Variants in AFG3L2 observed in about 807,000 individuals in gnomAD.
AFG3L2 encodes the protein mitochondrial inner membrane m-AAA protease component AFG3L2.
A neutral mutation model predicts 94.5 loss-of-function variants in AFG3L2; 54 were observed. That is an observed-to-expected ratio of 0.57 (90% CI 0.46 to 0.72). The LOEUF is 0.72. AFG3L2 is among the 30% of genes least tolerant of loss of function. AFG3L2 has a pLI of 0.00. For synonymous variants in AFG3L2, 377 were observed against 365.5 expected (o/e 1.03, Z -0.36); for missense variants, 754 against 994.9 (o/e 0.76, Z 3.26).
chr18:12,352,929 G>A, intron 10 of AFG3L2, 76 bp downstream of exon 10: 1 of 1,590,478 alleles, frequency 6.3e-7, no homozygotes, highest in Non-Finnish European at 8.6e-7. Flanking sequence ...ACTTCAGCCT[G>A]GACGACAGAG....
chr18:12,373,693 G>A (rs113360389), intron 1 of AFG3L2, among the ~76,000 whole-genome samples: 17 of 152,184 alleles, frequency 1.1e-4, no homozygotes, highest in Non-Finnish European at 2.5e-4. Flanking sequence ...CACATGCTAG[G>A]TCAAATTATG....
chr18:12,341,287 T>C lies in AFG3L2; in HGVS notation c.1780-886A>G, dbSNP rs569846115. 4 of 152,326 alleles carry C rather than the reference T, an allele frequency of 2.6e-5. No homozygotes were observed. In the South Asian group the frequency reaches 8.3e-4, roughly 32 times the overall value. 9.4% of individuals were successfully genotyped at this position (152,326 alleles called of 1,614,324 possible). On this transcript the variant is annotated intron_variant, in intron 14 of 16. Transcript: ENST00000269143. ...TTAATTTTTAAAAAATTCAGTTTAT[T>C]GAGAGATGACATATATGGTAAAATG...
chr18:12,344,498 A>C (rs757709407), intron 13 of AFG3L2, among the ~76,000 whole-genome samples: 5 of 151,884 alleles, frequency 3.3e-5, no homozygotes, highest in Non-Finnish European at 7.4e-5. Flanking sequence ...AACATGGTGA[A>C]ACCCCGTCTC....
intron 16 of AFG3L2, among the ~76,000 whole-genome samples, chr18:12,331,362 T>A (rs1907518487): frequency 6.6e-6 from 1 of 152,196 alleles, no homozygotes; most frequent in South Asian, 2.1e-4. Flanking sequence ...GCTTCTAGGC[T>A]CAGCCTACAA....
At chr18:12,336,578 A>T (rs1332326295) in intron 16 of AFG3L2, among the ~76,000 whole-genome samples, 1 of 152,230 alleles carries the variant, frequency 6.6e-6, no homozygotes, top group African/African-American at 2.4e-5. Flanking sequence ...GCATGAATTA[A>T]GCTCTTTCTC....
chr18:12,348,113 C>T (rs1275086382), intron 13 of AFG3L2, among the ~76,000 whole-genome samples, 160 bp downstream of exon 13: 1 of 152,078 alleles, frequency 6.6e-6, no homozygotes, highest in Non-Finnish European at 1.5e-5. Context: ...GGAGGAGAGG[C>T]ATGGGAGGGG....
intron 10 of AFG3L2, among the ~76,000 whole-genome samples, chr18:12,351,675 T>A (rs1020081973): frequency 1.3e-5 from 2 of 151,924 alleles, no homozygotes; most frequent in Non-Finnish European, 2.9e-5. Context: ...GCCTCCCGAG[T>A]AGCTGGGATT....
chr18:12,337,605 C>T, intron 15 of AFG3L2, 70 bp from the exon 16 acceptor site: 1 of 1,480,388 alleles, frequency 6.8e-7, no homozygotes, highest in Admixed American at 1.7e-5. Flanking sequence ...ACACAGCAGC[C>T]TGGAGCCGGC....
Position 12,329,114 on chromosome 18 carries a change from GT to G in AFG3L2, c.*450del, listed in dbSNP as rs1907426434. 1.4e-6 allele frequency: 1 copy of G among 702,704 alleles called. No homozygotes were observed. Among genetic ancestry groups the G allele is most frequent in the Non-Finnish European group, 2.6e-6 (1 of 384,944 alleles). The allele number at this position is 702,704 out of a possible 1,614,324, so 43.5% of individuals were successfully genotyped here. A position where few individuals can be genotyped will look rare whatever the true frequency, so the allele number is the denominator to read the frequency against. The stretch of plus-strand genomic sequence containing the variant: ...TTAAAATATTAAGTCAAATTAAAAT[GT>G]TCTTATCAAGACTCCAATTTAATTT... On this transcript the variant is annotated 3_prime_UTR_variant, in exon 17 of 17. Transcript: ENST00000269143.
intron 8 of AFG3L2, 45 bp from the exon 9 acceptor site, chr18:12,356,876 A>G (rs774282386): frequency 1.4e-5 from 22 of 1,592,198 alleles, no homozygotes; most frequent in Non-Finnish European, 1.8e-5. Context: ...GAATTCCAGA[A>G]AAGTAAATTG....
chr18:12,338,144 T>C (rs999581631), intron 15 of AFG3L2, among the ~76,000 whole-genome samples: 33 of 152,142 alleles, frequency 2.2e-4, no homozygotes, highest in African/African-American at 7.7e-4. Context: ...TGATCATAGC[T>C]CACTGCAGCT....
chr18:12,344,057 C>T (rs1908041726), intron 14 of AFG3L2, 75 bp downstream of exon 14: 2 of 1,303,436 alleles, frequency 1.5e-6, no homozygotes, highest in African/African-American at 2.9e-5. Context: ...AGGAGTGTAG[C>T]TTGCTTCTTG....
At chr18:12,356,441 C>T (rs936254326) in intron 9 of AFG3L2, among the ~76,000 whole-genome samples, 3 of 152,194 alleles carry the variant, frequency 2.0e-5, no homozygotes, top group African/African-American at 4.8e-5. Flanking sequence ...CATGAGCCAC[C>T]GCGCCCAGCC....
intron 13 of AFG3L2, among the ~76,000 whole-genome samples, chr18:12,347,671 C>T (rs1050659998): frequency 1.3e-5 from 2 of 152,044 alleles, no homozygotes; most frequent in African/African-American, 4.8e-5. Context: ...CTGCCTCAGC[C>T]TCCCAAGTAG....
intron 14 of AFG3L2, 100 bp from the exon 15 acceptor site, chr18:12,340,501 C>G: frequency 1.1e-6 from 1 of 938,834 alleles, no homozygotes; most frequent in Admixed American, 1.7e-5. Context: ...AAAATAAGCA[C>G]AACAGCCGCA....
chr18:12,361,366 A>G (rs1054209900), intron 6 of AFG3L2, among the ~76,000 whole-genome samples: 2 of 152,108 alleles, frequency 1.3e-5, no homozygotes, highest in African/African-American at 4.8e-5. Context: ...ATAAAAAACA[A>G]GGCCGGGTGC....
chr18:12,372,020 C>T (rs931828319), intron 1 of AFG3L2, among the ~76,000 whole-genome samples: 19 of 152,192 alleles, frequency 1.2e-4, no homozygotes, highest in Admixed American at 1.3e-4. Flanking sequence ...AAAAGACAAA[C>T]CCTGGCCAGG....
At chr18:12,345,336 C>A (rs1384894713) in intron 13 of AFG3L2, among the ~76,000 whole-genome samples, 1 of 152,280 alleles carries the variant, frequency 6.6e-6, no homozygotes, top group Non-Finnish European at 1.5e-5. Context: ...TACCTCTGTG[C>A]TGTAAAAACT....
chr18:12,361,135 C>T (rs1371047315), intron 6 of AFG3L2, among the ~76,000 whole-genome samples: 1 of 152,186 alleles, frequency 6.6e-6, no homozygotes, highest in Non-Finnish European at 1.5e-5. Flanking sequence ...CTTTGGGAAG[C>T]CCAGGTGGCA....
Sources: gnomAD v4.1 joint callset for allele counts (sites outside exome capture counted in the v4.1 genomes callset) on GRCh38, gnomAD v4.1.1 for gene constraint, MANE v1.5 for transcripts, NCBI Gene and HGNC (gene_info 2026-07-23, HGNC 2026-07-21) for gene names.